Variants in AGMO observed in about 807,000 individuals in gnomAD.
The protein encoded by AGMO is glyceryl-ether monooxygenase.
A neutral mutation model predicts 60.2 loss-of-function variants in AGMO; 75 were observed. The observed-to-expected ratio is 1.25, with a 90% CI of 1.03 to 1.51. AGMO has a LOEUF of 1.51. Ranked by LOEUF, AGMO falls within the 40% of genes most tolerant of loss-of-function variation. AGMO has a pLI of 0.00. For synonymous variants in AGMO, 261 were observed against 177.1 expected, an observed-to-expected ratio of 1.47 and a Z score of -3.76; for missense variants, 763 against 525.5, an observed-to-expected ratio of 1.45 and a Z score of -4.42.
intron 12 of AGMO, among the ~76,000 whole-genome samples, chr7:15,343,687 T>C (rs1033363920): frequency 2.6e-5 from 4 of 152,174 alleles, no homozygotes; most frequent in Admixed American, 1.3e-4. Context: ...GAAAATGACA[T>C]GAGCTTTGTG....
At chr7:15,147,570 T>A in the AGMO span, among the ~76,000 whole-genome samples, 3 of 152,106 alleles carry the variant, frequency 2.0e-5, no homozygotes, top group African/African-American at 7.2e-5. Context: ...AAGATGAGAT[T>A]TGGGTGGGGA....
At chr7:15,118,920 CAG>C in the AGMO span, among the ~76,000 whole-genome samples, 142 of 108,148 alleles carry the variant, frequency 1.3e-3, 2 homozygotes, top group African/African-American at 4.5e-3. Context: ...TTTTTTGAGA[CAG>C]AGTCTCTCTC....
At chr7:15,486,815 T>TA (rs1352779773) in intron 3 of AGMO, among the ~76,000 whole-genome samples, 2 of 152,182 alleles carry the variant, frequency 1.3e-5, no homozygotes, top group Admixed American at 1.3e-4. Context: ...TTTTTACTGC[T>TA]AAAAAATAGA....
At chr7:15,439,257 C>T (rs894467229) in intron 3 of AGMO, among the ~76,000 whole-genome samples, 5 of 152,130 alleles carry the variant, frequency 3.3e-5, no homozygotes, top group Admixed American at 6.5e-5. Flanking sequence ...ATTAGCAGGG[C>T]GTGGTGGTGC....
chr7:15,164,501 C>G, the AGMO span, among the ~76,000 whole-genome samples: 3 of 151,818 alleles, frequency 2.0e-5, no homozygotes, highest in African/African-American at 7.3e-5. Flanking sequence ...CCTTCATATT[C>G]AGAATCTATA....
At chr7:15,315,492 C>A (rs1434516790) in intron 12 of AGMO, among the ~76,000 whole-genome samples, 1 of 151,844 alleles carries the variant, frequency 6.6e-6, no homozygotes, top group African/African-American at 2.4e-5. Context: ...CATGCGCCAC[C>A]ACGCCCAGCT....
At chr7:15,268,187 A>G (rs1212767145) in intron 12 of AGMO, among the ~76,000 whole-genome samples, 1 of 152,042 alleles carries the variant, frequency 6.6e-6, no homozygotes, top group African/African-American at 2.4e-5. Flanking sequence ...AACAAAATCA[A>G]TATAGTCTTA....
At chr7:15,370,846 T>TAGTA (rs1362714519) in intron 10 of AGMO, among the ~76,000 whole-genome samples, 1 of 152,222 alleles carries the variant, frequency 6.6e-6, no homozygotes, top group Non-Finnish European at 1.5e-5. Flanking sequence ...GACTGTCTGT[T>TAGTA]TACTCTGTTG....
Position 15,354,511 on chromosome 7 carries a change from T to C in AGMO, c.1263+11003A>G, listed in dbSNP as rs1406667366. On this transcript the variant is annotated intron_variant, in intron 12 of 12. Transcript: ENST00000342526. ...ATACACACGTGTATATATATATATA[T>C]ATATATATATATATATATATATATA... Among the ~76,000 whole-genome samples the C allele has an allele frequency of 4.0e-5, 3 of 75,008 alleles. 1 individual carries two copies. The highest frequency in any genetic ancestry group is 2.2e-4 in the African/African-American group (3 of 13,766). The allele number at this position is 75,008 out of a possible 152,430, so 49.2% of individuals were successfully genotyped here. A position where few individuals can be genotyped will look rare whatever the true frequency, so the allele number is the denominator to read the frequency against.
chr7:15,448,611 A>AT lies in AGMO; in HGVS notation c.410-17504dup, dbSNP rs11330514. On this transcript the variant is annotated intron_variant, in intron 3 of 12. Coordinates refer to ENST00000342526, the MANE Select transcript of AGMO (RefSeq NM_001004320.2). ...ATGACTGATTTCTCCATAAAGTTTA[A>AT]TTTTTTTTTTTTTTTTTTGCCTAGG... is the stretch of plus-strand genomic sequence containing the variant. Among the ~76,000 whole-genome samples, 1,249 of 131,128 alleles carry AT rather than the reference A, an allele frequency of 9.5e-3. 16 individuals are homozygous for AT. The highest frequency in any genetic ancestry group is 0.041 in the Admixed American group (540 of 13,244). 86.0% of individuals were successfully genotyped at this position (131,128 alleles called of 152,430 possible).
In AGMO at chr7:15,503,824, T is replaced by C. The variant is rs146830866; in HGVS notation, c.409+40948A>G. ...ATTTACTCATAGTCTCTGATAATACTGCAAACTTTTTTCTGAAATCACTGA... is the reference window on the plus strand; with the variant it reads ...ATTTACTCATAGTCTCTGATAATACCGCAAACTTTTTTCTGAAATCACTGA... On this transcript the variant is annotated intron_variant, in intron 3 of 12. Coordinates refer to ENST00000342526, the MANE Select transcript of AGMO (RefSeq NM_001004320.2). Among the ~76,000 whole-genome samples, 454 of 152,174 alleles carry C rather than the reference T, an allele frequency of 3.0e-3. 2 individuals are homozygous for C. The highest frequency in any genetic ancestry group is 0.01 in the African/African-American group (436 of 41,552).
intron 5 of AGMO, among the ~76,000 whole-genome samples, chr7:15,411,172 T>C (rs1780584715): frequency 6.6e-6 from 1 of 152,108 alleles, no homozygotes; most frequent in South Asian, 2.1e-4. Flanking sequence ...CTCTGCCATG[T>C]TATATCTCAG....
At chr7:15,560,361 C>A in intron 1 of AGMO, 90 bp from the exon 2 acceptor site, 2 of 1,426,912 alleles carry the variant, frequency 1.4e-6, no homozygotes, top group Admixed American at 2.1e-5. Context: ...AATTGAAAGG[C>A]CCAGATTTGG....
chr7:15,334,793 G>T (rs529706640), intron 12 of AGMO, among the ~76,000 whole-genome samples: 1 of 152,108 alleles, frequency 6.6e-6, no homozygotes, highest in Non-Finnish European at 1.5e-5. Flanking sequence ...CATCATTAAA[G>T]CTGAATTACA....
At chr7:15,294,002 C>A (rs1784347502) in intron 12 of AGMO, among the ~76,000 whole-genome samples, 1 of 152,070 alleles carries the variant, frequency 6.6e-6, no homozygotes, top group Non-Finnish European at 1.5e-5. Context: ...TATAGCTTAA[C>A]AGTGACTAAA....
chr7:15,215,667 G>C (rs555518114), intron 12 of AGMO, among the ~76,000 whole-genome samples: 11 of 152,136 alleles, frequency 7.2e-5, no homozygotes, highest in African/African-American at 2.4e-4. Flanking sequence ...TATAATATTT[G>C]TGTATAGCAC....
intron 3 of AGMO, among the ~76,000 whole-genome samples, chr7:15,451,244 C>T (rs1187852861): frequency 6.6e-6 from 1 of 151,950 alleles, no homozygotes; most frequent in African/African-American, 2.4e-5. Flanking sequence ...AAATTATTTT[C>T]GGTGTAATGG....
At chr7:15,179,197 C>T in the AGMO span, among the ~76,000 whole-genome samples, 1 of 152,030 alleles carries the variant, frequency 6.6e-6, no homozygotes. Flanking sequence ...TAACATCAGT[C>T]GGGAGCCATC....
chr7:15,140,419 C>A, the AGMO span, among the ~76,000 whole-genome samples: 10 of 151,978 alleles, frequency 6.6e-5, no homozygotes, highest in Non-Finnish European at 1.3e-4. Flanking sequence ...GTTATTTTTA[C>A]CTTATCTTTC....
Sources: gnomAD v4.1 joint callset for allele counts (sites outside exome capture counted in the v4.1 genomes callset) on GRCh38, gnomAD v4.1.1 for gene constraint, MANE v1.5 for transcripts, NCBI Gene and HGNC (gene_info 2026-07-23, HGNC 2026-07-21) for gene names.